The following DBH variants were observed in gnomAD, a reference collection of about 807,000 sequenced individuals.
DBH encodes dopamine beta-hydroxylase (dopamine beta-monooxygenase).
DBH carries 49 observed loss-of-function variants against 64.0 expected under a neutral mutation model. The observed-to-expected ratio is 0.77, with a 90% CI of 0.61 to 0.97. The LOEUF (loss-of-function observed/expected upper bound fraction) is 0.97. Ranked by LOEUF, DBH falls within the 50% of genes least tolerant of loss-of-function variation. The pLI is 0.00. For synonymous variants in DBH, 343 were observed against 347.1 expected (o/e 0.99, Z 0.13); for missense variants, 828 against 826.6 (o/e 1.00, Z -0.02).
intron 8 of DBH, 122 bp downstream of exon 8, chr9:133,652,406 G>A: frequency 1.6e-6 from 2 of 1,238,596 alleles, no homozygotes; most frequent in East Asian, 2.4e-5. Flanking sequence ...GAGCCATCCA[G>A]GGCAGGGGGA....
chr9:133,636,623 C>T lies in DBH; in HGVS notation c.252C>T (p.Gly84=), dbSNP rs570356950. 14 of 1,613,424 alleles carry T rather than the reference C, an allele frequency of 8.7e-6. No homozygotes were observed. Among genetic ancestry groups the T allele is most frequent in the Non-Finnish European group, 1.1e-5 (13 of 1,180,002 alleles). ...TCCTGGTGCGGAGGCTCAAGGCTGGCGTCCTGTTTGGGATGTCCGACCGTG... is the reference window on the plus strand; with the variant it reads ...TCCTGGTGCGGAGGCTCAAGGCTGGTGTCCTGTTTGGGATGTCCGACCGTG... ...FQLLVRRLKA[G]VLFGMSDRGE... is the part of the protein sequence containing the mutation. Residue 84 remains glycine (G), a synonymous_variant, in exon 1 of 12, where the codon GGC becomes GGT. Coordinates refer to ENST00000393056, the MANE Select transcript of DBH (RefSeq NM_000787.4).
intron 5 of DBH, among the ~76,000 whole-genome samples, chr9:133,647,111 C>T (rs77358884): frequency 0.011 from 1,727 of 152,310 alleles, 40 homozygotes; most frequent in African/African-American, 0.039. Flanking sequence ...AGACCTGCAA[C>T]GCTGGCCCTC....
At chr9:133,641,027 T>C (rs1038591082) in intron 2 of DBH, among the ~76,000 whole-genome samples, 50 of 151,878 alleles carry the variant, frequency 3.3e-4, no homozygotes, top group Admixed American at 1.5e-3. Context: ...GACAGTCAGG[T>C]GGAGGAGGTG....
At chr9:133,656,298 A>C in intron 9 of DBH, 1 of 566,688 alleles carries the variant, frequency 1.8e-6, no homozygotes, top group Non-Finnish European at 3.2e-6. Flanking sequence ...CAGCATCATC[A>C]GTACCTGATA....
chr9:133,645,913 T>C (rs763530104), intron 5 of DBH, among the ~76,000 whole-genome samples: 31 of 152,338 alleles, frequency 2.0e-4, no homozygotes, highest in Admixed American at 3.3e-4. Flanking sequence ...GGGTAGGTTA[T>C]GCTTAGAGCA....
chr9:133,652,477 T>C (rs1281337888), intron 8 of DBH, among the ~76,000 whole-genome samples, 193 bp downstream of exon 8: 4 of 152,012 alleles, frequency 2.6e-5, no homozygotes, highest in Admixed American at 1.3e-4. Context: ...CAGGAGTTCA[T>C]GGAGAGACGT....
chr9:133,656,054 G>A (rs540633138), intron 9 of DBH: 23 of 250,878 alleles, frequency 9.2e-5, no homozygotes, highest in South Asian at 4.1e-4. Context: ...ACTGGTGGAC[G>A]GTGCGGGGCT....
chr9:133,640,637 G>T (rs1832107254), intron 2 of DBH, among the ~76,000 whole-genome samples: 1 of 152,246 alleles, frequency 6.6e-6, no homozygotes, highest in Non-Finnish European at 1.5e-5. Context: ...GACAGCTTTT[G>T]TCTTGTGTAA....
intron 2 of DBH, among the ~76,000 whole-genome samples, chr9:133,640,503 T>C (rs1216521753): frequency 2.6e-5 from 4 of 152,238 alleles, no homozygotes; most frequent in African/African-American, 7.2e-5. Flanking sequence ...TGGGAGTTCA[T>C]GGGAGCCATA....
At position 133,643,672 on chromosome 9, in the gene DBH, C is replaced by T; in HGVS notation, c.921+83C>T. 1 of 1,526,186 alleles carries T rather than the reference C, an allele frequency of 6.6e-7. No individual in the cohort carries two copies. The highest frequency in any genetic ancestry group is 8.9e-7 in the Non-Finnish European group (1 of 1,117,536). 94.5% of individuals were successfully genotyped at this position (1,526,186 alleles called of 1,614,324 possible). A position where few individuals can be genotyped will look rare whatever the true frequency, so the allele number is the denominator to read the frequency against. On this transcript the variant is annotated intron_variant, in intron 4 of 11. Transcript: ENST00000393056. This position sits in a 1 kb window ranked among gnomAD's most constrained non-coding sequence, Gnocchi z 5.3. The stretch of plus-strand genomic sequence containing the variant: ...ACCTCTGTTTCCCCAGCTTCACCGT[C>T]TCAGAGGCTTCAAGAAGGGGCTCCC...
intron 3 of DBH, among the ~76,000 whole-genome samples, chr9:133,642,986 A>AC (rs1564209323): frequency 6.6e-6 from 1 of 152,112 alleles, no homozygotes; most frequent in African/African-American, 2.4e-5. Context: ...GTCACATAGC[A>AC]AGAAGGGGCA....
Position 133,647,902 on chromosome 9 carries a change from A to G in DBH, c.1081A>G (p.Asn361Asp). Residue 361 changes from asparagine to aspartate, a missense_variant, in exon 6 of 12, where the codon AAC becomes GAC. Physicochemically the swap from Asn to Asp is conservative, Grantham distance 23. Transcript: ENST00000393056. ...LYYTAKLRRF[N>D]AGIMELGLVY... is the part of the protein sequence containing the mutation. ...CTACACAGCCAAGCTGCGGCGCTTC[A>G]ACGCGGGGATCATGGAGCTGGGACT... 1 of 1,614,216 alleles carries G rather than the reference A, an allele frequency of 6.2e-7. No individual in the cohort carries two copies. The highest frequency in any genetic ancestry group is 8.5e-7 in the Non-Finnish European group (1 of 1,180,034).
In DBH at chr9:133,643,572, TG is replaced by T; in HGVS notation, c.907del (p.Ala303ProfsTer37). On this transcript the variant is annotated frameshift_variant, in exon 4 of 12. Transcript: ENST00000393056. LOFTEE classifies it high-confidence loss of function. The surrounding 1 kb of genome is among the most constrained non-coding windows in gnomAD (Gnocchi z 5.3). ...CTACTGCCGCCACGTGCTGGCCGCC[TG>T]GGCCCTGGGTGCCAAGGTGCGTGCC... ...LNYCRHVLAA[W>X]ALGAKAFYYP... 6.2e-7 allele frequency: 1 copy of T among 1,613,274 alleles called. No individual in the cohort carries two copies. Among genetic ancestry groups the T allele is most frequent in the Non-Finnish European group, 8.5e-7 (1 of 1,179,900 alleles).
Position 133,636,533 on chromosome 9 carries a change from CCCG to C in DBH, c.163_165del (p.Pro55del). The stretch of plus-strand genomic sequence containing the variant: ...CCCTCCCCTATCACATCCCCCTGGA[CCCG>C]GAGGGGTCCCTGGAGCTCTCATGGA... On this transcript the variant is annotated inframe_deletion, in exon 1 of 12. Coordinates refer to ENST00000393056, the MANE Select transcript of DBH (RefSeq NM_000787.4). 6.2e-7 allele frequency: 1 copy of C among 1,613,494 alleles called. No homozygotes were observed.
rs761983627 is a variant in DBH at position 133,643,593 on chromosome 9, C to A, written c.921+4C>A. On this transcript the variant is annotated splice_donor_region_variant and intron_variant, in intron 4 of 11. Transcript: ENST00000393056. This position sits in a 1 kb window ranked among gnomAD's most constrained non-coding sequence, Gnocchi z 5.3. The stretch of plus-strand genomic sequence containing the variant: ...CGCCTGGGCCCTGGGTGCCAAGGTG[C>A]GTGCCCTGCGACCCCAGCATGGTGT... 1 of 1,613,164 alleles carries A rather than the reference C, an allele frequency of 6.2e-7. No homozygotes were observed. The highest frequency in any genetic ancestry group is 8.5e-7 in the Non-Finnish European group (1 of 1,179,876).
chr9:133,648,997 TCTG>T (rs1014912191), intron 6 of DBH, among the ~76,000 whole-genome samples: 53 of 152,248 alleles, frequency 3.5e-4, no homozygotes, highest in African/African-American at 1.2e-3. Flanking sequence ...AAGCCCATCT[TCTG>T]CTCCCTCCCA....
At chr9:133,636,807 C>A in intron 1 of DBH, 97 bp downstream of exon 1, 2 of 1,150,668 alleles carry the variant, frequency 1.7e-6, no homozygotes, top group Non-Finnish European at 2.5e-6. Context: ...CCAGAAAGTT[C>A]TTCTGTCACC....
In DBH at chr9:133,644,326, C is replaced by G. The variant is rs1611126; in HGVS notation, c.1024+6C>G. ...CAACCCACTGGTGATAGAAGGTAGG[C>G]GGCTCTGCTGCCATCCTCCTCAGAA... On this transcript the variant is annotated splice_donor_region_variant and intron_variant, in intron 5 of 11. Transcript: ENST00000393056. 122,504 of 1,609,136 alleles carry G rather than the reference C, an allele frequency of 0.076. 7,051 individuals are homozygous for G. Among genetic ancestry groups the G allele is most frequent in the African/African-American group, 0.3 (22,801 of 74,804 alleles).
At chr9:133,647,778 C>G in intron 5 of DBH, 68 bp from the exon 6 acceptor site, 1 of 1,593,192 alleles carries the variant, frequency 6.3e-7, no homozygotes, top group Non-Finnish European at 8.6e-7. Flanking sequence ...TAGGGATAAT[C>G]TGTCCGCAGG....
Sources: allele counts gnomAD v4.1 joint callset (sites outside exome capture counted in the v4.1 genomes callset), GRCh38; gene constraint gnomAD v4.1.1; non-coding constraint Gnocchi (gnomAD v3.1); transcripts MANE v1.5; gene names NCBI Gene and HGNC (gene_info 2026-07-23, HGNC 2026-07-21).